Variants in SCLT1 observed in about 807,000 individuals in gnomAD.
SCLT1 encodes the protein sodium channel and clathrin linker 1, also known as sodium channel-associated protein 1.
In SCLT1, 78 loss-of-function variants were observed where a neutral mutation model predicts 112.8. The ratio of observed to expected loss-of-function variants is 0.69; its 90% CI spans 0.58 to 0.83. SCLT1 has a LOEUF of 0.83. SCLT1 is among the 40% of genes least tolerant of loss of function. The pLI is 0.00. For missense variants in SCLT1, 747 were observed against 770.4 expected (o/e 0.97, Z 0.36); for synonymous variants, 257 against 254.7 (o/e 1.01, Z -0.09).
chr4:129,001,314 C>T (rs1743460352), intron 6 of SCLT1, among the ~76,000 whole-genome samples: 1 of 143,690 alleles, frequency 7.0e-6, no homozygotes, highest in Non-Finnish European at 1.5e-5. Flanking sequence ...TCCCAGACTT[C>T]TTGAATCAGA....
At chr4:128,891,846 T>C (rs575528037) in intron 18 of SCLT1, among the ~76,000 whole-genome samples, 1 of 152,104 alleles carries the variant, frequency 6.6e-6, no homozygotes, top group African/African-American at 2.4e-5. Flanking sequence ...GGTTTCACCA[T>C]GTTGCCAAGG....
downstream of SCLT1, among the ~76,000 whole-genome samples, chr4:128,881,450 G>A (rs1262932535): frequency 6.6e-6 from 1 of 152,126 alleles, no homozygotes; most frequent in Non-Finnish European, 1.5e-5. Context: ...TGACTGAATT[G>A]TTGCTAATGT....
chr4:128,901,031 C>G (rs1734243045), intron 18 of SCLT1, among the ~76,000 whole-genome samples: 1 of 152,108 alleles, frequency 6.6e-6, no homozygotes, highest in African/African-American at 2.4e-5. Context: ...ACAACAGGTG[C>G]TGGAGAGGAT....
Position 129,043,988 on chromosome 4 carries a change from T to A in SCLT1, c.161+5A>T. On this transcript the variant is annotated splice_donor_5th_base_variant and intron_variant, in intron 3 of 20. Transcript: ENST00000281142. Reference sequence around the variant, plus strand: ...GAAAATGATATTATTCTGGTAATACTTTACCTTTGGTCAAATACTAGGTTT... The same window carrying A: ...GAAAATGATATTATTCTGGTAATACATTACCTTTGGTCAAATACTAGGTTT... 7.1e-7 allele frequency: 1 copy of A among 1,412,226 alleles called. No homozygotes were observed. The highest frequency in any genetic ancestry group is 9.9e-7 in the Non-Finnish European group (1 of 1,005,070). The allele number at this position is 1,412,226 out of a possible 1,614,324, so 87.5% of individuals were successfully genotyped here. A position where few individuals can be genotyped will look rare whatever the true frequency, so the allele number is the denominator to read the frequency against.
chr4:128,896,946 A>G (rs1447071435), intron 18 of SCLT1, among the ~76,000 whole-genome samples: 1 of 152,186 alleles, frequency 6.6e-6, no homozygotes, highest in Non-Finnish European at 1.5e-5. Flanking sequence ...CAAATGAATG[A>G]AATGAAGTGA....
chr4:129,092,375 T>G (rs188976982), intron 1 of SCLT1, among the ~76,000 whole-genome samples: 2 of 152,348 alleles, frequency 1.3e-5, no homozygotes, highest in Admixed American at 1.3e-4. Context: ...CTATTTGGGA[T>G]GCCTAGAGTT....
Position 128,976,731 on chromosome 4 carries a change from T to C in SCLT1, c.687-6263A>G, listed in dbSNP as rs140034387. Among the ~76,000 whole-genome samples the C allele has an allele frequency of 2.7e-4, 41 of 152,272 alleles. 1 individual carries two copies. The highest frequency in any genetic ancestry group is 9.4e-4 in the African/African-American group (39 of 41,554). ...GCACATTTACATTTAGCTGGGAGAA[T>C]ATTGAAGTGAGAGGTATTTAAAGCA... On this transcript the variant is annotated intron_variant, in intron 9 of 20. Coordinates refer to ENST00000281142, the MANE Select transcript of SCLT1 (RefSeq NM_144643.4).
In SCLT1 at chr4:129,030,142, T is replaced by A. The variant is rs901507769; in HGVS notation, c.290+8899A>T. 3.3e-5 allele frequency among the ~76,000 whole-genome samples: 5 copies of A among 152,222 alleles called. 2 individuals are homozygous for A. The South Asian group carries it at 8.3e-4, about 25-fold the overall frequency. On this transcript the variant is annotated intron_variant, in intron 5 of 20. Transcript: ENST00000281142. ...GATCACAGTGCAATCAAATTAGAACTCGGGATTAAGAAACTCACTCAAAAC... is the reference window on the plus strand; with the variant it reads ...GATCACAGTGCAATCAAATTAGAACACGGGATTAAGAAACTCACTCAAAAC...
intron 9 of SCLT1, among the ~76,000 whole-genome samples, chr4:128,978,853 T>C (rs1439284353): frequency 6.6e-6 from 1 of 151,804 alleles, no homozygotes; most frequent in Non-Finnish European, 1.5e-5. Flanking sequence ...TAGAAAGAAT[T>C]TGGGATTGTA....
At chr4:128,936,618 T>C in intron 18 of SCLT1, 37 bp downstream of exon 18, 2 of 1,318,698 alleles carry the variant, frequency 1.5e-6, no homozygotes, top group Non-Finnish European at 2.1e-6. Context: ...AAGAATTTCT[T>C]CTGTAAAACA....
intron 4 of SCLT1, chr4:129,039,878 C>A: frequency 3.7e-6 from 1 of 269,418 alleles, no homozygotes; most frequent in Non-Finnish European, 6.8e-6. Context: ...TGTGAATGAG[C>A]AAATGGAGAG....
intron 9 of SCLT1, among the ~76,000 whole-genome samples, chr4:128,986,125 C>T (rs1346031940): frequency 2.0e-5 from 3 of 152,220 alleles, no homozygotes; most frequent in African/African-American, 7.2e-5. Flanking sequence ...AAACTGCCCC[C>T]AGCCCCAGGC....
chr4:128,953,219 C>A (rs1049742253), intron 13 of SCLT1, among the ~76,000 whole-genome samples: 4 of 152,244 alleles, frequency 2.6e-5, no homozygotes, highest in African/African-American at 9.6e-5. Flanking sequence ...TTAACCTGAA[C>A]AATATTTTTA....
intron 5 of SCLT1, among the ~76,000 whole-genome samples, chr4:129,022,280 G>A (rs908030694): frequency 6.6e-6 from 1 of 152,124 alleles, no homozygotes; most frequent in African/African-American, 2.4e-5. Flanking sequence ...GCACAAAACT[G>A]GACAAAGAAT....
At chr4:128,891,910 G>T (rs1733357844) in intron 18 of SCLT1, among the ~76,000 whole-genome samples, 1 of 152,112 alleles carries the variant, frequency 6.6e-6, no homozygotes, top group Non-Finnish European at 1.5e-5. Context: ...CTCCCAAAGT[G>T]CTGGGATTAT....
intron 18 of SCLT1, among the ~76,000 whole-genome samples, chr4:128,905,808 TA>T (rs1734646588): frequency 1.4e-5 from 1 of 69,898 alleles, no homozygotes; most frequent in African/African-American, 7.4e-5. Flanking sequence ...CTTTTTAGAC[TA>T]TTTTTTTTTT....
chr4:128,991,088 T>C (rs1336862679), intron 9 of SCLT1, among the ~76,000 whole-genome samples: 1 of 151,564 alleles, frequency 6.6e-6, no homozygotes, highest in Non-Finnish European at 1.5e-5. Context: ...TCCTAAAATT[T>C]AAAGGGAACC....
intron 17 of SCLT1, among the ~76,000 whole-genome samples, chr4:128,938,206 ATTCATT>A (rs769730531): frequency 2.0e-5 from 3 of 152,238 alleles, no homozygotes; most frequent in Non-Finnish European, 2.9e-5. Flanking sequence ...AATGAGAGTA[ATTCATT>A]AAATACGGTT....
chr4:128,939,750 T>A (rs534331408), intron 17 of SCLT1, among the ~76,000 whole-genome samples: 2 of 152,296 alleles, frequency 1.3e-5, no homozygotes, highest in East Asian at 3.9e-4. Context: ...GAAAACTTCA[T>A]ATGATAAATT....
Sources: gnomAD v4.1 joint callset for allele counts (sites outside exome capture counted in the v4.1 genomes callset) on GRCh38, gnomAD v4.1.1 for gene constraint, MANE v1.5 for transcripts, NCBI Gene and HGNC (gene_info 2026-07-23, HGNC 2026-07-21) for gene names.